Variants in HEPACAM observed in about 807,000 individuals in gnomAD.
HEPACAM encodes the protein hepatocyte cell adhesion molecule.
In HEPACAM, 18 loss-of-function variants were observed where a neutral mutation model predicts 38.3. That is an observed-to-expected ratio of 0.47 (90% confidence interval 0.33 to 0.70). The LOEUF is 0.70. HEPACAM is among the 30% of genes least tolerant of loss of function. HEPACAM has a pLI of 0.03. For synonymous variants in HEPACAM, 216 were observed against 243.1 expected (o/e 0.89, Z 1.04); for missense variants, 466 against 563.0 (o/e 0.83, Z 1.74).
intron 3 of HEPACAM, 43 bp downstream of exon 3, chr11:124,923,686 T>G: frequency 6.2e-7 from 1 of 1,611,596 alleles, no homozygotes; most frequent in South Asian, 1.1e-5. Flanking sequence ...CACCTGCCTC[T>G]TGGGGCTTTG....
At chr11:124,935,889 C>G in intron 1 of HEPACAM, 33 bp downstream of exon 1, 1 of 1,598,818 alleles carries the variant, frequency 6.3e-7, no homozygotes, top group Non-Finnish European at 8.6e-7. Flanking sequence ...CGGGTCCTTT[C>G]TTCAGACCCT....
At chr11:124,935,878 C>G (rs749206500) in intron 1 of HEPACAM, 44 bp downstream of exon 1, 1 of 1,564,996 alleles carries the variant, frequency 6.4e-7, no homozygotes, top group Admixed American at 1.7e-5. Flanking sequence ...TGTAAAAGCC[C>G]CGGGTCCTTT....
intron 1 of HEPACAM, among the ~76,000 whole-genome samples, chr11:124,931,683 A>G (rs1033564232): frequency 3.3e-5 from 5 of 152,238 alleles, no homozygotes; most frequent in Non-Finnish European, 7.3e-5. Flanking sequence ...CTAAACACAC[A>G]AATACCCTAT....
In HEPACAM at chr11:124,924,339, T is replaced by C. The variant is rs1258803713; in HGVS notation, c.428-329A>G. On this transcript the variant is annotated intron_variant, in intron 2 of 6. Transcript: ENST00000298251. This position sits in a 1 kb window ranked among gnomAD's most constrained non-coding sequence, Gnocchi z 4.4. ...TGACCCAGCCAGGAAGATATTTCAG[T>C]TGGGCTAAGCCTAGGTCCAACTGTT... is the stretch of plus-strand genomic sequence containing the variant. Among the ~76,000 whole-genome samples, 1 of 152,168 alleles carries C rather than the reference T, an allele frequency of 6.6e-6. No individual in the cohort carries two copies. The highest frequency in any genetic ancestry group is 1.5e-5 in the Non-Finnish European group (1 of 68,016).
intron 3 of HEPACAM, 90 bp from the exon 4 acceptor site, chr11:124,923,523 G>A (rs1947167010): frequency 2.6e-6 from 3 of 1,159,060 alleles, no homozygotes; most frequent in Non-Finnish European, 1.3e-6. Context: ...GGAAGAGAGG[G>A]GGAGCCCCAG....
Position 124,920,797 on chromosome 11 carries a change from G to A in HEPACAM, c.*341C>T, listed in dbSNP as rs1225525236. ...CCTAGGAAGAGCACAGGATAGTCAC[G>A]GGGGTTAGGTTACTGATGTTAGTTT... On this transcript the variant is annotated 3_prime_UTR_variant, in exon 7 of 7. Transcript: ENST00000298251. 5.4e-6 allele frequency: 6 copies of A among 1,104,936 alleles called. No individual in the cohort carries two copies. The East Asian group carries it at 2.3e-4, about 42-fold the overall frequency. 68.4% of individuals were successfully genotyped at this position (1,104,936 alleles called of 1,614,324 possible). A position where few individuals can be genotyped will look rare whatever the true frequency, so the allele number is the denominator to read the frequency against.
In HEPACAM at chr11:124,935,906, C is replaced by A. The variant is rs1489668456; in HGVS notation, c.85+16G>T. ...GGTCCTTTCTTCAGACCCTTTCTTA[C>A]CCTCTGGCCTCCTACCTGTCTGGAT... On this transcript the variant is annotated intron_variant, in intron 1 of 6. Coordinates refer to ENST00000298251, the MANE Select transcript of HEPACAM (RefSeq NM_152722.5). The A allele has an allele frequency of 6.2e-7, 1 of 1,611,922 alleles. No individual in the cohort carries two copies. Among genetic ancestry groups the A allele is most frequent in the South Asian group, 1.1e-5 (1 of 91,020 alleles).
intron 1 of HEPACAM, among the ~76,000 whole-genome samples, chr11:124,927,516 T>TG (rs1947230253): frequency 7.9e-6 from 1 of 125,960 alleles, no homozygotes; most frequent in African/African-American, 3.3e-5. Context: ...CTAGGTTTTT[T>TG]TTTTTTGTTT....
rs766228024 is a variant in HEPACAM, at chr11:124,934,842, C to A, written c.85+1080G>T. ...TAAGCTATCTGAAAGGTACATGTAA[C>A]CCTGACAGTCCCCAAATTAAAAACC... On this transcript the variant is annotated intron_variant, in intron 1 of 6. Coordinates refer to ENST00000298251, the MANE Select transcript of HEPACAM (RefSeq NM_152722.5). Among the ~76,000 whole-genome samples, 14 of 152,094 alleles carry A rather than the reference C, an allele frequency of 9.2e-5. 1 individual carries two copies. Among genetic ancestry groups the A allele is most frequent in the Admixed American group, 7.2e-4 (11 of 15,270 alleles).
chr11:124,935,717 A>G (rs1269969062), intron 1 of HEPACAM, among the ~76,000 whole-genome samples: 1 of 152,130 alleles, frequency 6.6e-6, no homozygotes, highest in Non-Finnish European at 1.5e-5. Flanking sequence ...TTTTGGGGGA[A>G]GGGGGTAGGG....
At position 124,921,479 on chromosome 11, in the gene HEPACAM, G is replaced by T; in HGVS notation, c.949-39C>A. 1 of 1,215,868 alleles carries T rather than the reference G, an allele frequency of 8.2e-7. No homozygotes were observed. Among genetic ancestry groups the T allele is most frequent in the East Asian group, 3.1e-5 (1 of 32,652 alleles). The allele number at this position is 1,215,868 out of a possible 1,614,324, so 75.3% of individuals were successfully genotyped here. A position where few individuals can be genotyped will look rare whatever the true frequency, so the allele number is the denominator to read the frequency against. On this transcript the variant is annotated intron_variant, in intron 6 of 6. Coordinates refer to ENST00000298251, the MANE Select transcript of HEPACAM (RefSeq NM_152722.5). The surrounding 1 kb of genome is among the most constrained non-coding windows in gnomAD (Gnocchi z 4.6). ...CGCCGCAGGGGTCAGGGGACAGTCA[G>T]CCCAGCCTGGGAGCGCGCCTGGTGT...
chr11:124,920,681 A>AGG lies in HEPACAM; in HGVS notation c.*456_*457insCC, dbSNP rs1186895704. ...TGGCCTCTCTAATCTGAACTTGCAA[A>AGG]AAAAAAAAAAAAAAAAAAAAAAAAA... is the stretch of plus-strand genomic sequence containing the variant. On this transcript the variant is annotated 3_prime_UTR_variant, in exon 7 of 7. Coordinates refer to ENST00000298251, the MANE Select transcript of HEPACAM (RefSeq NM_152722.5). 3.6e-3 allele frequency: 2,195 copies of AGG among 607,426 alleles called. 66 individuals carry two copies. In the East Asian group the frequency reaches 0.069, roughly 19 times the overall value. The allele number at this position is 607,426 out of a possible 1,614,324, so 37.6% of individuals were successfully genotyped here.
At chr11:124,922,335 A>T (rs1947150767) in intron 6 of HEPACAM, 53 bp downstream of exon 6, 1 of 1,489,014 alleles carries the variant, frequency 6.7e-7, no homozygotes, top group African/African-American at 1.4e-5. Flanking sequence ...AGCATCAGGC[A>T]TGTGGGAGGG....
At chr11:124,923,174 G>T (rs186001459) in intron 4 of HEPACAM, among the ~76,000 whole-genome samples, 166 bp downstream of exon 4, 1 of 152,146 alleles carries the variant, frequency 6.6e-6, no homozygotes, top group Non-Finnish European at 1.5e-5. Flanking sequence ...GGGTTGTGGG[G>T]GCTTTGGAGC....
chr11:124,923,925 C>G lies in HEPACAM; in HGVS notation c.513G>C (p.Glu171Asp). ...AGGTGTAGCTGGGCTTGGTGCCATT[C>G]TCATGTGAGCAGTTCAAGGTGAAGG... is the stretch of plus-strand genomic sequence containing the variant. The part of the protein sequence containing the change: ...SEAFTLNCSH[E>D]NGTKPSYTWL... Residue 171 changes from glutamate to aspartate, a missense_variant, in exon 3 of 7, where the codon GAG becomes GAC. Physicochemically the swap from Glu to Asp is conservative, Grantham distance 45 (BLOSUM62 2). Transcript: ENST00000298251. The G allele has an allele frequency of 6.2e-7, 1 of 1,613,260 alleles. No homozygotes were observed. Among genetic ancestry groups the G allele is most frequent in the Non-Finnish European group, 8.5e-7 (1 of 1,180,006 alleles).
At chr11:124,932,619 G>A (rs1408069051) in intron 1 of HEPACAM, among the ~76,000 whole-genome samples, 1 of 152,078 alleles carries the variant, frequency 6.6e-6, no homozygotes, top group South Asian at 2.1e-4. Context: ...GGGAGGCAGG[G>A]CCACATGGTC....
At chr11:124,922,336 T>C in intron 6 of HEPACAM, 52 bp downstream of exon 6, 2 of 1,491,566 alleles carry the variant, frequency 1.3e-6, no homozygotes, top group East Asian at 2.3e-5. Flanking sequence ...GCATCAGGCA[T>C]GTGGGAGGGG....
chr11:124,925,780 TAGA>T (rs945390187), intron 1 of HEPACAM, among the ~76,000 whole-genome samples: 3 of 152,184 alleles, frequency 2.0e-5, no homozygotes, highest in African/African-American at 7.2e-5. Context: ...TCTGTACCCC[TAGA>T]AGAAGGATTT....
intron 1 of HEPACAM, among the ~76,000 whole-genome samples, chr11:124,933,752 A>G (rs1014733187): frequency 1.3e-5 from 2 of 152,146 alleles, no homozygotes; most frequent in Non-Finnish European, 2.9e-5. Flanking sequence ...GCCTTATCCA[A>G]TGGGCTCTTT....
Sources: gnomAD v4.1 joint callset for allele counts (sites outside exome capture counted in the v4.1 genomes callset) on GRCh38, gnomAD v4.1.1 for gene constraint, Gnocchi (gnomAD v3.1) non-coding constraint, MANE v1.5 for transcripts, NCBI Gene and HGNC (gene_info 2026-07-23, HGNC 2026-07-21) for gene names.